The following LDLRAD4 variants were observed in gnomAD, a reference collection of about 807,000 sequenced individuals.
LDLRAD4 encodes the protein low-density lipoprotein receptor class A domain-containing protein 4.
A neutral mutation model predicts 17.0 loss-of-function variants in LDLRAD4; 5 were observed. The observed-to-expected ratio is 0.29, with a 90% CI of 0.15 to 0.62. The LOEUF (loss-of-function observed/expected upper bound fraction) is 0.62, where lower values mean the gene tolerates loss of function less well. LDLRAD4 is among the 20% of genes least tolerant of loss of function. The pLI is 0.84. For synonymous variants in LDLRAD4, 168 were observed against 171.8 expected (o/e 0.98, Z 0.17); for missense variants, 340 against 424.7 (o/e 0.80, Z 1.75).
At chr18:13,325,373 T>G (rs897634895) in intron 1 of LDLRAD4, among the ~76,000 whole-genome samples, 2 of 152,218 alleles carry the variant, frequency 1.3e-5, no homozygotes, top group African/African-American at 4.8e-5. Context: ...GAGGTGGAGA[T>G]GCAGAGTGCA....
chr18:13,521,115 A>G (rs1318046428), intron 3 of LDLRAD4: 2 of 152,186 alleles, frequency 1.3e-5, no homozygotes, highest in African/African-American at 4.8e-5. Context: ...TGTTTTTAGA[A>G]AAAGACCCAT....
chr18:13,317,315 T>G (rs1232078412), intron 1 of LDLRAD4, among the ~76,000 whole-genome samples: 2 of 152,202 alleles, frequency 1.3e-5, no homozygotes, highest in Non-Finnish European at 2.9e-5. Context: ...AGACTCCCAG[T>G]TTCTTTAGCC....
At chr18:13,476,680 G>A (rs1457764358) in intron 3 of LDLRAD4, among the ~76,000 whole-genome samples, 1 of 151,786 alleles carries the variant, frequency 6.6e-6, no homozygotes, top group African/African-American at 2.4e-5. Flanking sequence ...TGCAGTAGCA[G>A]GTGGGCCACG....
chr18:13,261,233 A>T (rs28499003), intron 1 of LDLRAD4, among the ~76,000 whole-genome samples: 2,558 of 152,304 alleles, frequency 0.017, 77 homozygotes, highest in African/African-American at 0.059. Context: ...CTAACATTCC[A>T]TTTACTGGTG....
At chr18:13,319,318 G>A (rs868277855) in intron 1 of LDLRAD4, among the ~76,000 whole-genome samples, 9 of 152,266 alleles carry the variant, frequency 5.9e-5, no homozygotes, top group African/African-American at 1.9e-4. Context: ...GCGCAGTGGC[G>A]GGGCAGCTGG....
upstream of LDLRAD4, among the ~76,000 whole-genome samples, chr18:13,276,010 A>T (rs1179118696): frequency 6.6e-6 from 1 of 152,044 alleles, no homozygotes; most frequent in Non-Finnish European, 1.5e-5. Context: ...AAGTTATTTT[A>T]TTTATTTATT....
intron 4 of LDLRAD4, among the ~76,000 whole-genome samples, chr18:13,640,915 A>C (rs539610144): frequency 3.9e-5 from 6 of 152,224 alleles, no homozygotes; most frequent in Non-Finnish European, 7.3e-5. Context: ...AATGTGTGTC[A>C]CGCATGTAGG....
At chr18:13,592,927 G>A (rs2095046587) in intron 3 of LDLRAD4, among the ~76,000 whole-genome samples, 1 of 152,204 alleles carries the variant, frequency 6.6e-6, no homozygotes, top group African/African-American at 2.4e-5. Context: ...TTTGAAACCT[G>A]ATTGTGTCAA....
At chr18:13,263,342 C>T (rs1160610534) in intron 1 of LDLRAD4, among the ~76,000 whole-genome samples, 2 of 152,090 alleles carry the variant, frequency 1.3e-5, no homozygotes, top group African/African-American at 2.4e-5. Flanking sequence ...CCCTGTGGCT[C>T]TGTGTGTGGA....
chr18:13,508,243 G>A (rs1210582988), intron 3 of LDLRAD4, among the ~76,000 whole-genome samples: 1 of 152,230 alleles, frequency 6.6e-6, no homozygotes, highest in Non-Finnish European at 1.5e-5. Flanking sequence ...GTAGGTTCAT[G>A]AGGTTCAATG....
intron 2 of LDLRAD4, among the ~76,000 whole-genome samples, chr18:13,388,747 G>A (rs1164363265): frequency 2.0e-5 from 3 of 152,322 alleles, no homozygotes; most frequent in African/African-American, 4.8e-5. Flanking sequence ...CCGTGGCTTC[G>A]GCGTGAAGAG....
rs72225166 is a variant in LDLRAD4, at chr18:13,609,530, CGTGTGT to C, written c.182-11564_182-11559del. Among the ~76,000 whole-genome samples the C allele has an allele frequency of 7.0e-3, 1,044 of 148,622 alleles. 4 individuals carry two copies. Among genetic ancestry groups the C allele is most frequent in the African/African-American group, 9.9e-3 (399 of 40,330 alleles). On this transcript the variant is annotated intron_variant, in intron 3 of 5. Coordinates refer to ENST00000359446, the Ensembl canonical transcript of LDLRAD4. ...AGCGCTCATTATGCGTGTGTGTGTG[CGTGTGT>C]GTGTGTGTGTGTGTGTGTGTGTTAG...
chr18:13,552,512 G>T (rs2094444687), intron 3 of LDLRAD4, among the ~76,000 whole-genome samples: 1 of 152,192 alleles, frequency 6.6e-6, no homozygotes, highest in Non-Finnish European at 1.5e-5. Context: ...TTCAGCTTCT[G>T]CCCAGCCAGT....
intron 1 of LDLRAD4, among the ~76,000 whole-genome samples, chr18:13,382,088 C>G (rs1038143037): frequency 1.3e-5 from 2 of 152,192 alleles, no homozygotes; most frequent in Non-Finnish European, 2.9e-5. Flanking sequence ...ACCGACATTC[C>G]GCCAGCGAAA....
In LDLRAD4 at chr18:13,610,283, T is replaced by C. The variant is rs1446255393; in HGVS notation, c.182-10834T>C. ...AGCCCTAATTTTTTTTTTTTTTTTT[T>C]TTTTTTTTTTTTTTTTTTTTTTGAG... On this transcript the variant is annotated intron_variant, in intron 3 of 5. Transcript: ENST00000359446. 4.7e-4 allele frequency among the ~76,000 whole-genome samples: 25 copies of C among 52,728 alleles called. 1 individual carries two copies. Among genetic ancestry groups the C allele is most frequent in the East Asian group, 4.7e-3 (13 of 2,770 alleles). 34.6% of individuals were successfully genotyped at this position (52,728 alleles called of 152,430 possible).
At chr18:13,361,417 T>C (rs2083660814) in intron 1 of LDLRAD4, among the ~76,000 whole-genome samples, 1 of 152,208 alleles carries the variant, frequency 6.6e-6, no homozygotes, top group South Asian at 2.1e-4. Context: ...AGGGTATATA[T>C]CTTTCCTTAT....
Position 13,645,198 on chromosome 18 carries a change from CT to C in LDLRAD4, c.464del (p.Phe155SerfsTer51). On this transcript the variant is annotated frameshift_variant, in exon 6 of 6. Coordinates refer to ENST00000359446, the Ensembl canonical transcript of LDLRAD4. LOFTEE classifies it high-confidence loss of function. This position sits in a 1 kb window ranked among gnomAD's most constrained non-coding sequence, Gnocchi z 5.7. Reference sequence around the variant, plus strand: ...TCATCCAGAGGGATCGCTTCAGCCGCTTCCAGCCCACCTACCCCTATGTGCA... The same window carrying C: ...TCATCCAGAGGGATCGCTTCAGCCGCTCCAGCCCACCTACCCCTATGTGCA... 1 of 1,614,140 alleles carries C rather than the reference CT, an allele frequency of 6.2e-7. No homozygotes were observed. The highest frequency in any genetic ancestry group is 8.5e-7 in the Non-Finnish European group (1 of 1,180,016).
chr18:13,487,136 G>A (rs1253531480), intron 3 of LDLRAD4: 1 of 152,198 alleles, frequency 6.6e-6, no homozygotes, highest in Non-Finnish European at 1.5e-5. Context: ...TTTGATGAGA[G>A]TGATCATTTC....
rs7233372 is a variant in LDLRAD4, at chr18:13,257,704, A to G, written c.-466-20401A>G. 6.5e-3 allele frequency among the ~76,000 whole-genome samples: 993 copies of G among 152,280 alleles called. 13 individuals are homozygous for G. Among genetic ancestry groups the G allele is most frequent in the African/African-American group, 0.022 (934 of 41,562 alleles). Reference sequence around the variant, plus strand: ...AGGCCATTTGACAATGTCTGGAGACATTTTTGGTTGTCACAAGTGGGAGGT... The same window carrying G: ...AGGCCATTTGACAATGTCTGGAGACGTTTTTGGTTGTCACAAGTGGGAGGT... On this transcript the variant is annotated intron_variant, in intron 1 of 5. Coordinates refer to the LDLRAD4 transcript ENST00000399848.
Sources: gnomAD v4.1 joint callset for allele counts (sites outside exome capture counted in the v4.1 genomes callset) on GRCh38, gnomAD v4.1.1 for gene constraint, Gnocchi (gnomAD v3.1) non-coding constraint, MANE v1.5 for transcripts, NCBI Gene and HGNC (gene_info 2026-07-23, HGNC 2026-07-21) for gene names.